The following ZNF235 variants were observed in gnomAD, a reference collection of about 807,000 sequenced individuals.
The protein encoded by ZNF235 is zfp-93.
Under a neutral mutation model 29.4 loss-of-function variants are expected in ZNF235, and 25 were observed. The observed-to-expected ratio is 0.85, with a 90% CI of 0.62 to 1.19. ZNF235 has a LOEUF of 1.19. Among genes scored for constraint, ZNF235 ranks in the 50% most tolerant of loss-of-function variants. The probability of loss-of-function intolerance (pLI) is 0.00; values close to 1 mark genes in which losing one functional copy is unlikely to be tolerated. For synonymous variants in ZNF235, 300 were observed against 295.3 expected (o/e 1.02, Z -0.16); for missense variants, 788 against 885.0 (o/e 0.89, Z 1.39).
At chr19:44,293,937 TA>T (rs1975618471) in intron 4 of ZNF235, among the ~76,000 whole-genome samples, 1 of 136,544 alleles carries the variant, frequency 7.3e-6, no homozygotes, top group Non-Finnish European at 1.5e-5. Context: ...TTTATAGTGT[TA>T]AATGTCTACA....
intron 4 of ZNF235, among the ~76,000 whole-genome samples, chr19:44,293,246 T>C (rs995388939): frequency 3.9e-5 from 6 of 152,068 alleles, no homozygotes; most frequent in Non-Finnish European, 8.8e-5. Flanking sequence ...AAAAAGATAT[T>C]CCATGCAAAT....
intron 2 of ZNF235, among the ~76,000 whole-genome samples, chr19:44,303,006 A>G (rs980571624): frequency 7.3e-6 from 1 of 137,160 alleles, no homozygotes; most frequent in African/African-American, 2.8e-5. Flanking sequence ...ATACATATAT[A>G]CGTATATATT....
chr19:44,297,508 G>C (rs942016547), intron 4 of ZNF235, among the ~76,000 whole-genome samples: 20 of 152,112 alleles, frequency 1.3e-4, no homozygotes, highest in African/African-American at 4.6e-4. Context: ...TTGTTGTCCA[G>C]GCTGGAGTGC....
At chr19:44,299,250 T>A (rs1568646236) in intron 3 of ZNF235, among the ~76,000 whole-genome samples, 1 of 152,232 alleles carries the variant, frequency 6.6e-6, no homozygotes, top group Non-Finnish European at 1.5e-5. Context: ...TTATGTAACT[T>A]ACTAATTTAC....
rs1599891640 is a variant in ZNF235 at position 44,298,751 on chromosome 19, C to T, written c.238+57G>A. The T allele has an allele frequency of 3.0e-6, 4 of 1,316,496 alleles. No homozygotes were observed. In the East Asian group the frequency reaches 7.0e-5, roughly 23 times the overall value. The allele number at this position is 1,316,496 out of a possible 1,614,324, so 81.6% of individuals were successfully genotyped here. On this transcript the variant is annotated intron_variant, in intron 4 of 4. Transcript: ENST00000291182. ...GGTAGCTGAGTGGAGAAGAAATTATCCTGAATAAAGGAAAAATAACAGCTG... is the reference window on the plus strand; with the variant it reads ...GGTAGCTGAGTGGAGAAGAAATTATTCTGAATAAAGGAAAAATAACAGCTG...
intron 2 of ZNF235, among the ~76,000 whole-genome samples, chr19:44,302,979 T>TAC (rs1177810473): frequency 4.0e-5 from 5 of 124,812 alleles, no homozygotes; most frequent in Non-Finnish European, 7.7e-5. Flanking sequence ...TATATGTATA[T>TAC]ATTTATATAT....
intron 4 of ZNF235, among the ~76,000 whole-genome samples, chr19:44,298,398 CTTTTTT>C (rs369962631): frequency 1.4e-5 from 2 of 145,144 alleles, no homozygotes; most frequent in African/African-American, 2.5e-5. Context: ...TGTTTTCATT[CTTTTTT>C]TTTTTTTCCT....
At chr19:44,300,114 A>T (rs893344287) in intron 2 of ZNF235, among the ~76,000 whole-genome samples, 2 of 152,190 alleles carry the variant, frequency 1.3e-5, no homozygotes, top group Non-Finnish European at 2.9e-5. Flanking sequence ...TGTCTTGGTC[A>T]ACTGCAGCAG....
At chr19:44,300,166 CT>C (rs750166246) in intron 2 of ZNF235, among the ~76,000 whole-genome samples, 12 of 152,262 alleles carry the variant, frequency 7.9e-5, no homozygotes, top group East Asian at 3.9e-4. Context: ...TGGAGTTTGA[CT>C]GCCTTAGTTC....
rs1156614044 is a variant in ZNF235, at chr19:44,305,003, C to T, written c.-81G>A. On this transcript the variant is annotated 5_prime_UTR_variant, in exon 1 of 5. Coordinates refer to ENST00000291182, the MANE Select transcript of ZNF235 (RefSeq NM_004234.4). ...GGAGATATCTCAGATCCGACCTCGC[C>T]TTCCTGGAGCGGAAGTGCCTCCGAG... The T allele has an allele frequency of 1.0e-6, 1 of 955,202 alleles. No homozygotes were observed. The highest frequency in any genetic ancestry group is 1.2e-6 in the Non-Finnish European group (1 of 802,440). The allele number at this position is 955,202 out of a possible 1,614,324, so 59.2% of individuals were successfully genotyped here.
Position 44,287,117 on chromosome 19 carries a change from G to T in ZNF235, c.*101C>A. 8.1e-7 allele frequency: 1 copy of T among 1,230,626 alleles called. No homozygotes were observed. Among genetic ancestry groups the T allele is most frequent in the Non-Finnish European group, 1.1e-6 (1 of 897,384 alleles). 76.2% of individuals were successfully genotyped at this position (1,230,626 alleles called of 1,614,324 possible). On this transcript the variant is annotated 3_prime_UTR_variant, in exon 5 of 5. Transcript: ENST00000291182. ...TTCTTTCCTGTCAAGATTCTTTGAA[G>T]CTTCTAGTTTTAAAGGAACTTTTCA... is the stretch of plus-strand genomic sequence containing the variant.
rs146718961 is a variant in ZNF235, at chr19:44,287,290, G to C, written c.2145C>G (p.Val715=). The change falls in exon 5 of 5, where the codon GTC becomes GTG. Residue 715 remains valine (V), a synonymous_variant. Coordinates refer to ENST00000291182, the MANE Select transcript of ZNF235 (RefSeq NM_004234.4). ...HTGERPYICD[V]CCKGFSQRSH... The stretch of plus-strand genomic sequence containing the variant: ...ACCTCTGACTGAAGCCCTTACAACA[G>C]ACATCACATATGTAAGGCCTCTCTC... The C allele has an allele frequency of 6.6e-4, 1,068 of 1,611,974 alleles. 1 individual carries two copies. Among genetic ancestry groups the C allele is most frequent in the Non-Finnish European group, 8.5e-4 (1,001 of 1,179,098 alleles).
At chr19:44,294,263 T>G (rs572367862) in intron 4 of ZNF235, among the ~76,000 whole-genome samples, 4 of 151,986 alleles carry the variant, frequency 2.6e-5, no homozygotes, top group African/African-American at 9.7e-5. Context: ...GATCAGACAC[T>G]CTTATGAACA....
intron 4 of ZNF235, among the ~76,000 whole-genome samples, chr19:44,291,867 A>G (rs1352411414): frequency 2.6e-5 from 4 of 152,254 alleles, no homozygotes; most frequent in Admixed American, 2.6e-4. Context: ...TTCCAGAAAA[A>G]TGAAAAGGTG....
intron 1 of ZNF235, among the ~76,000 whole-genome samples, 163 bp from the exon 2 acceptor site, chr19:44,303,615 C>T (rs529789532): frequency 1.3e-5 from 2 of 152,298 alleles, no homozygotes; most frequent in South Asian, 4.1e-4. Context: ...CCCCTCGGCC[C>T]CCTCAACCAG....
In ZNF235 at chr19:44,287,719, T is replaced by C; in HGVS notation, c.1716A>G (p.Lys572=). The change falls in exon 5 of 5, where the codon AAA becomes AAG. Residue 572 remains lysine, a synonymous_variant. Transcript: ENST00000291182. ...TGAAACCCTTACCACACTCTTCACA[T>C]TTGTAGGGTTTCTCTCCGGTGTGGA... ...QRVHTGEKPY[K]CEECGKGFSQ... The C allele has an allele frequency of 1.2e-6, 2 of 1,613,990 alleles. No individual in the cohort carries two copies. The highest frequency in any genetic ancestry group is 2.2e-5 in the South Asian group (2 of 91,080).
chr19:44,288,604 A>C lies in ZNF235; in HGVS notation c.831T>G (p.Ser277Arg). The C allele has an allele frequency of 6.2e-7, 1 of 1,614,104 alleles. No homozygotes were observed. Among genetic ancestry groups the C allele is most frequent in the Non-Finnish European group, 8.5e-7 (1 of 1,180,004 alleles). The change falls in exon 5 of 5, where the codon AGT becomes AGG. Residue 277 changes from serine (S) to arginine (R), a missense_variant. Ser to Arg is a moderately radical substitution (Grantham distance 110). Coordinates refer to ENST00000291182, the MANE Select transcript of ZNF235 (RefSeq NM_004234.4). Reference sequence around the variant, plus strand: ...AGTGTACCTGTTTATGAAGTTCAAGACTGGAGCTATCATTGAAGGCTTCTT... The same window carrying C: ...AGTGTACCTGTTTATGAAGTTCAAGCCTGGAGCTATCATTGAAGGCTTCTT... ...ECEEAFNDSSSLELHKQVHLG... is the reference protein window; with the variant it reads ...ECEEAFNDSSRLELHKQVHLG...
intron 4 of ZNF235, 115 bp from the exon 5 acceptor site, chr19:44,289,311 C>G: frequency 1.1e-6 from 1 of 916,496 alleles, no homozygotes; most frequent in Non-Finnish European, 1.6e-6. Context: ...AACAACTAGA[C>G]TGGCTGAAAT....
At chr19:44,298,776 G>GA (rs1319257412) in intron 4 of ZNF235, 32 bp downstream of exon 4, 1 of 1,472,376 alleles carries the variant, frequency 6.8e-7, no homozygotes, top group South Asian at 1.2e-5. Flanking sequence ...AATAACAGCT[G>GA]TTAACTACGA....
Sources: gnomAD v4.1 joint callset for allele counts (sites outside exome capture counted in the v4.1 genomes callset) on GRCh38, gnomAD v4.1.1 for gene constraint, MANE v1.5 for transcripts, NCBI Gene and HGNC (gene_info 2026-07-23, HGNC 2026-07-21) for gene names.